Variants in GUCY2C observed in about 807,000 individuals in gnomAD.
GUCY2C encodes guanylate cyclase 2C, also known as guanylyl cyclase C.
In GUCY2C, 118 loss-of-function variants were observed where a neutral mutation model predicts 131.1. The ratio of observed to expected loss-of-function variants is 0.90; its 90% confidence interval spans 0.78 to 1.05. The LOEUF is 1.05. Ranked by LOEUF, GUCY2C falls within the 50% of genes least tolerant of loss-of-function variation. GUCY2C has a pLI of 0.00. For synonymous variants in GUCY2C, 452 were observed against 457.8 expected (o/e 0.99, Z 0.16); for missense variants, 1,161 against 1,304.4 (o/e 0.89, Z 1.69).
chr12:14,677,329 A>AT (rs1264822095), intron 6 of GUCY2C, among the ~76,000 whole-genome samples: 3 of 152,182 alleles, frequency 2.0e-5, no homozygotes, highest in African/African-American at 7.2e-5. Flanking sequence ...ATTTAGAGAT[A>AT]TTGAGACATG....
At position 14,686,081 on chromosome 12, in the gene GUCY2C, G is replaced by T. The variant is rs1437849298; in HGVS notation, c.395+80C>A. On this transcript the variant is annotated intron_variant, in intron 3 of 26. Transcript: ENST00000261170. ...GACCTCAACACCTCTGATTGTGTTG[G>T]CTTGACTAGACTGTTGTTTGATGAG... 5 of 854,962 alleles carry T rather than the reference G, an allele frequency of 5.8e-6. No individual in the cohort carries two copies. In the African/African-American group the frequency reaches 6.7e-5, roughly 11 times the overall value. The allele number at this position is 854,962 out of a possible 1,614,324, so 53.0% of individuals were successfully genotyped here.
At chr12:14,616,339 C>G (rs1946762117) in intron 25 of GUCY2C, among the ~76,000 whole-genome samples, 1 of 152,108 alleles carries the variant, frequency 6.6e-6, no homozygotes, top group Non-Finnish European at 1.5e-5. Flanking sequence ...TAAATAAGTC[C>G]TGGACCAGAC....
chr12:14,614,569 A>AT, intron 26 of GUCY2C: 1 of 265,352 alleles, frequency 3.8e-6, no homozygotes. Flanking sequence ...AAAAAAAAAA[A>AT]GGTAGTTTTA....
intron 24 of GUCY2C, among the ~76,000 whole-genome samples, chr12:14,617,479 T>G (rs1314420363): frequency 3.3e-5 from 5 of 152,130 alleles, no homozygotes; most frequent in African/African-American, 1.2e-4. Context: ...TGGAGTTTGG[T>G]TTTGGGTCCC....
At position 14,679,655 on chromosome 12, in the gene GUCY2C, A is replaced by G. The variant is rs780582689; in HGVS notation, c.830+2T>C. The G allele has an allele frequency of 6.9e-6, 10 of 1,441,364 alleles. No individual in the cohort carries two copies. The highest frequency in any genetic ancestry group is 3.4e-5 in the Admixed American group (2 of 59,666). 89.3% of individuals were successfully genotyped at this position (1,441,364 alleles called of 1,614,324 possible). On this transcript the variant is annotated splice_donor_variant, in intron 6 of 26. Transcript: ENST00000261170. LOFTEE classifies it high-confidence loss of function. ...GAGGGTTTTTCCAAATGTTATACCT[A>G]CTTGAAAAGATCCACTAGAATAATG...
intron 7 of GUCY2C, among the ~76,000 whole-genome samples, chr12:14,675,397 G>A (rs1294038635): frequency 1.3e-5 from 2 of 151,908 alleles, no homozygotes; most frequent in African/African-American, 2.4e-5. Context: ...ACCAGGAAAG[G>A]CAACATGAAG....
chr12:14,645,769 T>C (rs1375641494), intron 15 of GUCY2C, among the ~76,000 whole-genome samples: 1 of 152,142 alleles, frequency 6.6e-6, no homozygotes, highest in African/African-American at 2.4e-5. Context: ...TACTAAGTCC[T>C]CTGTCAATAA....
chr12:14,649,444 A>G (rs539201343), intron 15 of GUCY2C, among the ~76,000 whole-genome samples: 30 of 152,320 alleles, frequency 2.0e-4, no homozygotes, highest in African/African-American at 5.8e-4. Flanking sequence ...ACATACTCCA[A>G]ATTCATTTAA....
chr12:14,652,939 T>C lies in GUCY2C; in HGVS notation c.1533+13A>G. On this transcript the variant is annotated intron_variant, in intron 13 of 26. Transcript: ENST00000261170. ...TACCCCAGTGGAGAGTTCAGAGAAGTGGGAGAGGTCACCTTTTTGTCGTAT... is the reference window on the plus strand; with the variant it reads ...TACCCCAGTGGAGAGTTCAGAGAAGCGGGAGAGGTCACCTTTTTGTCGTAT... 14 of 1,576,140 alleles carry C rather than the reference T, an allele frequency of 8.9e-6. No homozygotes were observed. The highest frequency in any genetic ancestry group is 1.2e-5 in the Non-Finnish European group (14 of 1,145,296).
At chr12:14,682,958 A>T (rs1447095772) in intron 4 of GUCY2C, 84 bp downstream of exon 4, 2 of 840,252 alleles carry the variant, frequency 2.4e-6, no homozygotes, top group African/African-American at 3.4e-5. Context: ...TGGAAGGTGC[A>T]TCTGGTAATA....
chr12:14,695,429 C>G (rs975302950), intron 1 of GUCY2C, among the ~76,000 whole-genome samples: 7 of 151,864 alleles, frequency 4.6e-5, no homozygotes, highest in South Asian at 2.1e-4. Flanking sequence ...AGACCACCCC[C>G]TCTCTACTAA....
intron 19 of GUCY2C, among the ~76,000 whole-genome samples, chr12:14,632,985 A>T (rs1398912279): frequency 6.6e-6 from 1 of 152,140 alleles, no homozygotes; most frequent in Non-Finnish European, 1.5e-5. Context: ...TGGGAACCAG[A>T]AGCTTGTCCT....
chr12:14,640,202 G>T (rs1321198188), intron 18 of GUCY2C, among the ~76,000 whole-genome samples: 5 of 152,044 alleles, frequency 3.3e-5, no homozygotes, highest in African/African-American at 1.2e-4. Context: ...GTGCCTCAAA[G>T]CTGTAATCCC....
rs1040657794 is a variant in GUCY2C, at chr12:14,647,719, C to T, written c.1711-2404G>A. On this transcript the variant is annotated intron_variant, in intron 15 of 26. Coordinates refer to ENST00000261170, the MANE Select transcript of GUCY2C (RefSeq NM_004963.4). ...TTCAGTGTTCTTAACTGATTCTTTG[C>T]ATTTCACGTTGAGTATTTTCAAATA... is the stretch of plus-strand genomic sequence containing the variant. 2.0e-5 allele frequency among the ~76,000 whole-genome samples: 3 copies of T among 151,918 alleles called. No homozygotes were observed. The East Asian group carries it at 5.8e-4, about 29-fold the overall frequency.
At chr12:14,637,854 A>G (rs1223493533) in intron 19 of GUCY2C, among the ~76,000 whole-genome samples, 1 of 152,234 alleles carries the variant, frequency 6.6e-6, no homozygotes, top group African/African-American at 2.4e-5. Flanking sequence ...AGCACAGGCA[A>G]CCAAACCAAA....
intron 11 of GUCY2C, among the ~76,000 whole-genome samples, chr12:14,657,271 T>A (rs1366160366): frequency 3.3e-5 from 5 of 152,176 alleles, no homozygotes; most frequent in Non-Finnish European, 7.4e-5. Flanking sequence ...GTAAAGTTGG[T>A]GACATTGAGA....
chr12:14,675,630 C>G (rs575319890), intron 7 of GUCY2C, among the ~76,000 whole-genome samples: 1 of 152,154 alleles, frequency 6.6e-6, no homozygotes, highest in South Asian at 2.1e-4. Flanking sequence ...AAATGCCTGT[C>G]CTGGGAAAAA....
intron 5 of GUCY2C, 70 bp from the exon 6 acceptor site, chr12:14,679,823 G>C: frequency 1.3e-6 from 1 of 776,494 alleles, no homozygotes; most frequent in Non-Finnish European, 2.3e-6. Flanking sequence ...GGAACCAGTT[G>C]CCTGAATTTG....
intron 15 of GUCY2C, among the ~76,000 whole-genome samples, chr12:14,648,818 T>C (rs919539737): frequency 1.3e-5 from 2 of 152,210 alleles, no homozygotes; most frequent in Non-Finnish European, 2.9e-5. Context: ...TAACTAATAG[T>C]AGTACAGGGG....
Sources: gnomAD v4.1 joint callset for allele counts (sites outside exome capture counted in the v4.1 genomes callset) on GRCh38, gnomAD v4.1.1 for gene constraint, MANE v1.5 for transcripts, NCBI Gene and HGNC (gene_info 2026-07-23, HGNC 2026-07-21) for gene names.